Variants in GRM8 observed in about 807,000 individuals in gnomAD.
GRM8 encodes glutamate metabotropic receptor 8, also known as metabotropic glutamate receptor 8.
In GRM8, 47 loss-of-function variants were observed where a neutral mutation model predicts 87.2. The ratio of observed to expected loss-of-function variants is 0.54; its 90% confidence interval spans 0.43 to 0.69. The LOEUF (loss-of-function observed/expected upper bound fraction) is 0.69, where lower values mean the gene tolerates loss of function less well. Among genes scored for constraint, GRM8 ranks in the 30% least tolerant of loss-of-function variants. The pLI, the probability that GRM8 is intolerant of heterozygous loss-of-function variation, is 0.00. For synonymous variants in GRM8, 396 were observed against 404.5 expected (o/e 0.98, Z 0.25); for missense variants, 1,019 against 1,139.2 (o/e 0.89, Z 1.52).
intron 9 of GRM8, among the ~76,000 whole-genome samples, chr7:126,507,866 C>T (rs906105933): frequency 2.0e-5 from 3 of 151,998 alleles, no homozygotes; most frequent in Admixed American, 6.6e-5. Flanking sequence ...CCAAGTTTTC[C>T]ATGACTTCAG....
chr7:126,740,380 G>A (rs968380058), intron 7 of GRM8, among the ~76,000 whole-genome samples: 2 of 152,054 alleles, frequency 1.3e-5, no homozygotes, highest in Non-Finnish European at 2.9e-5. Context: ...GAATTGGTTT[G>A]TACAAACAGT....
chr7:126,826,248 G>T (rs1586093180), intron 6 of GRM8, among the ~76,000 whole-genome samples: 1 of 152,156 alleles, frequency 6.6e-6, no homozygotes, highest in East Asian at 1.9e-4. Context: ...TAATGGGATG[G>T]CTGGGTCAAA....
In GRM8 at chr7:126,438,663, A is replaced by G. The variant is rs1801116475; in HGVS notation, c.*456T>C. ...TTTGTATAAAAAATTGCATGCATCA[A>G]TCATTGCATTTATTTTTAGCACAAC... On this transcript the variant is annotated 3_prime_UTR_variant, in exon 11 of 11. Coordinates refer to ENST00000339582, the MANE Select transcript of GRM8 (RefSeq NM_000845.3). 1 of 153,042 alleles carries G rather than the reference A, an allele frequency of 6.5e-6. No individual in the cohort carries two copies. Among genetic ancestry groups the G allele is most frequent in the African/African-American group, 2.4e-5 (1 of 41,466 alleles). 9.5% of individuals were successfully genotyped at this position (153,042 alleles called of 1,614,324 possible).
At chr7:126,896,300 C>A (rs554581183) in intron 6 of GRM8, among the ~76,000 whole-genome samples, 1 of 151,764 alleles carries the variant, frequency 6.6e-6, no homozygotes, top group Admixed American at 6.6e-5. Flanking sequence ...ATTTTACTTG[C>A]GAAGAACAAG....
At chr7:126,960,983 C>T (rs1012213603) in intron 3 of GRM8, among the ~76,000 whole-genome samples, 1 of 152,084 alleles carries the variant, frequency 6.6e-6, no homozygotes, top group South Asian at 2.1e-4. Context: ...AAATGTGATG[C>T]CCAGAACTGG....
At chr7:126,673,972 C>T (rs1340111945) in intron 7 of GRM8, among the ~76,000 whole-genome samples, 1 of 152,132 alleles carries the variant, frequency 6.6e-6, no homozygotes, top group Non-Finnish European at 1.5e-5. Flanking sequence ...TTAAATATAT[C>T]AATATAGACC....
chr7:126,534,694 C>G (rs1584976824), intron 8 of GRM8, among the ~76,000 whole-genome samples: 1 of 152,114 alleles, frequency 6.6e-6, no homozygotes, highest in African/African-American at 2.4e-5. Flanking sequence ...ACAAGCAGTT[C>G]GTGAAAGAGA....
At chr7:126,647,776 A>G (rs554532634) in intron 7 of GRM8, among the ~76,000 whole-genome samples, 5 of 152,258 alleles carry the variant, frequency 3.3e-5, no homozygotes, top group South Asian at 2.1e-4. Context: ...TACCACCTTA[A>G]GTTGAATCAC....
At chr7:126,498,930 T>C (rs1809202275) in intron 9 of GRM8, among the ~76,000 whole-genome samples, 1 of 152,002 alleles carries the variant, frequency 6.6e-6, no homozygotes, top group African/African-American at 2.4e-5. Context: ...CTTCTACATT[T>C]ATTGTTGGCA....
chr7:126,754,876 T>C (rs1285453100), intron 7 of GRM8, among the ~76,000 whole-genome samples: 6 of 151,928 alleles, frequency 3.9e-5, no homozygotes. Context: ...TATGGACTGG[T>C]TATTTTCTGC....
At chr7:126,441,701 CATTCCATCTTAGTGACACT>C (rs2150446366) in intron 10 of GRM8, among the ~76,000 whole-genome samples, 1 of 152,170 alleles carries the variant, frequency 6.6e-6, no homozygotes, top group East Asian at 1.9e-4. Flanking sequence ...CAATCAGACT[CATTCCATCTTAGTGACACT>C]ATTGATGGAT....
intron 9 of GRM8, among the ~76,000 whole-genome samples, chr7:126,488,258 A>G (rs1807601749): frequency 6.6e-6 from 1 of 152,098 alleles, no homozygotes; most frequent in African/African-American, 2.4e-5. Flanking sequence ...CAACATTCAT[A>G]TTAACACACT....
chr7:126,762,688 A>G (rs1817704473), intron 7 of GRM8, among the ~76,000 whole-genome samples: 1 of 152,070 alleles, frequency 6.6e-6, no homozygotes, highest in African/African-American at 2.4e-5. Context: ...GAGTGATTTT[A>G]TACTATACAA....
chr7:127,147,693 C>T (rs1320742821), intron 2 of GRM8, among the ~76,000 whole-genome samples: 2 of 152,024 alleles, frequency 1.3e-5, no homozygotes, highest in Non-Finnish European at 2.9e-5. Flanking sequence ...ACCAATGTAA[C>T]TAATGCAACC....
chr7:126,588,112 C>T (rs1003510815), intron 8 of GRM8, among the ~76,000 whole-genome samples: 2 of 152,012 alleles, frequency 1.3e-5, no homozygotes, highest in African/African-American at 4.8e-5. Context: ...ATGAAATAAC[C>T]TGAATGTAAA....
In GRM8 at chr7:126,516,686, A is replaced by G. The variant is rs141274068; in HGVS notation, c.2430+16266T>C. On this transcript the variant is annotated intron_variant, in intron 9 of 10. Coordinates refer to ENST00000339582, the MANE Select transcript of GRM8 (RefSeq NM_000845.3). ...TTTAAATTAGTGTAATATTCTAAGA[A>G]AGAGAACATGGGAGGCAATTTGAGA... Among the ~76,000 whole-genome samples, 154 of 152,260 alleles carry G rather than the reference A, an allele frequency of 1.0e-3. 1 individual carries two copies. The highest frequency in any genetic ancestry group is 3.6e-3 in the African/African-American group (148 of 41,572).
chr7:127,039,341 G>A (rs868340936), intron 3 of GRM8, among the ~76,000 whole-genome samples: 3 of 152,034 alleles, frequency 2.0e-5, no homozygotes, highest in Middle Eastern at 3.2e-3. Flanking sequence ...AAGACCAACC[G>A]AAGACACAGG....
intron 7 of GRM8, among the ~76,000 whole-genome samples, chr7:126,716,407 G>A (rs902545016): frequency 6.6e-6 from 1 of 151,732 alleles, no homozygotes; most frequent in South Asian, 2.1e-4. Context: ...AAAAAGTGTT[G>A]AAATTCAGAA....
intron 3 of GRM8, among the ~76,000 whole-genome samples, chr7:127,043,796 T>G (rs1818669785): frequency 6.6e-6 from 1 of 152,108 alleles, no homozygotes. Flanking sequence ...AAAAAACCCT[T>G]TGCGGATAGG....
Sources: allele counts gnomAD v4.1 joint callset (sites outside exome capture counted in the v4.1 genomes callset), GRCh38; gene constraint gnomAD v4.1.1; transcripts MANE v1.5; gene names NCBI Gene and HGNC (gene_info 2026-07-23, HGNC 2026-07-21).